DLG5: variants seen among roughly 807,000 people sequenced by gnomAD.
The protein encoded by DLG5 is discs large MAGUK scaffold protein 5, also known as disks large homolog 5.
Under a neutral mutation model 189.8 loss-of-function variants are expected in DLG5, and 48 were observed. That is an observed-to-expected ratio of 0.25 (90% CI 0.20 to 0.32). The LOEUF (loss-of-function observed/expected upper bound fraction) is 0.32. Ranked by LOEUF, DLG5 falls within the 10% of genes least tolerant of loss-of-function variation. The pLI is 1.00. For synonymous variants in DLG5, 1,016 were observed against 1,054.1 expected (o/e 0.96, Z 0.70); for missense variants, 2,160 against 2,544.7 (o/e 0.85, Z 3.25).
rs1409784749 is a variant in DLG5, at chr10:77,819,425, G to A, written c.3567C>T (p.Ser1189=). Residue 1189 remains serine, a synonymous_variant, in exon 17 of 32, where the codon AGC becomes AGT. Transcript: ENST00000372391. ...TGTAGATGGGGTTCCGCAGGATGGA[G>A]CTCACAGTGGTGCTGGGGGTCAAAC... ...PRSLTPSTTV[S]SILRNPIYTV... The A allele has an allele frequency of 6.2e-7, 1 of 1,613,676 alleles. No individual in the cohort carries two copies. The highest frequency in any genetic ancestry group is 8.5e-7 in the Non-Finnish European group (1 of 1,179,950).
chr10:77,882,206 G>A (rs1199439705), intron 1 of DLG5, among the ~76,000 whole-genome samples: 1 of 152,212 alleles, frequency 6.6e-6, no homozygotes, highest in African/African-American at 2.4e-5. Context: ...CCATACTGTG[G>A]AAAGGGCCCA....
rs147696699 is a variant in DLG5 at position 77,925,597 on chromosome 10, C to G, written c.304+620G>C. ...CAGGGAGAGAACTTAGCCCCAGCAG[C>G]CACTACTAGGATTTTCCCATGGTGC... On this transcript the variant is annotated intron_variant, in intron 1 of 31. Coordinates refer to ENST00000372391, the MANE Select transcript of DLG5 (RefSeq NM_004747.4). Among the ~76,000 whole-genome samples, 5 of 152,330 alleles carry G rather than the reference C, an allele frequency of 3.3e-5. No homozygotes were observed. In the East Asian group the frequency reaches 9.6e-4, roughly 29 times the overall value.
intron 1 of DLG5, among the ~76,000 whole-genome samples, chr10:77,888,408 GGA>G (rs1845507270): frequency 2.0e-5 from 3 of 152,134 alleles, no homozygotes; most frequent in Non-Finnish European, 4.4e-5. Flanking sequence ...ACAAGGTCCT[GGA>G]GAGGAAAATG....
chr10:77,817,231 T>C (rs1048747214), intron 18 of DLG5, 135 bp from the exon 19 acceptor site: 1 of 780,156 alleles, frequency 1.3e-6, no homozygotes, highest in Non-Finnish European at 2.2e-6. Flanking sequence ...GGAGCCTTGA[T>C]ATGGAACAGT....
intron 1 of DLG5, among the ~76,000 whole-genome samples, chr10:77,878,386 A>G (rs1407855656): frequency 1.3e-5 from 2 of 152,238 alleles, no homozygotes; most frequent in Non-Finnish European, 2.9e-5. Context: ...CCAGGCGCAC[A>G]GCAAGCGATC....
chr10:77,800,996 C>T (rs1365077949), intron 27 of DLG5, among the ~76,000 whole-genome samples: 1 of 152,168 alleles, frequency 6.6e-6, no homozygotes, highest in Non-Finnish European at 1.5e-5. Flanking sequence ...CTGCGAGCAG[C>T]GGCTATCTCC....
At chr10:77,879,793 A>C in intron 1 of DLG5, among the ~76,000 whole-genome samples, 1 of 151,328 alleles carries the variant, frequency 6.6e-6, no homozygotes. Context: ...GAAAGGGGGA[A>C]GCCTGCAGGA....
chr10:77,857,830 T>C (rs1417780779), intron 2 of DLG5, among the ~76,000 whole-genome samples: 3 of 152,108 alleles, frequency 2.0e-5, no homozygotes, highest in Non-Finnish European at 4.4e-5. Flanking sequence ...ACAGCAACCA[T>C]CCAATTTGTG....
chr10:77,804,632 C>T (rs1048660449), intron 27 of DLG5, among the ~76,000 whole-genome samples: 1 of 152,242 alleles, frequency 6.6e-6, no homozygotes, highest in East Asian at 1.9e-4. Flanking sequence ...GGGCCTCTTG[C>T]TTTAAAGGAC....
chr10:77,806,755 T>TA lies in DLG5; in HGVS notation c.4967+2dup. The TA allele has an allele frequency of 1.5e-6, 2 of 1,370,770 alleles. No homozygotes were observed. Among genetic ancestry groups the TA allele is most frequent in the Non-Finnish European group, 2.0e-6 (2 of 987,126 alleles). 84.9% of individuals were successfully genotyped at this position (1,370,770 alleles called of 1,614,324 possible). ...CCCCACCCCAGGCCCGGAGAACACTTACACATATTTGCTGGGAATCTGCCC... is the reference window on the plus strand; with the variant it reads ...CCCCACCCCAGGCCCGGAGAACACTTAACACATATTTGCTGGGAATCTGCCC... On this transcript the variant is annotated splice_region_variant and intron_variant, in intron 26 of 31. Transcript: ENST00000372391.
In DLG5 at chr10:77,790,856, T is replaced by C. The variant is rs1200962244; in HGVS notation, c.*1584A>G. The stretch of plus-strand genomic sequence containing the variant: ...TAACTTTTGATACAAAGTAACATTT[T>C]AGTACAGAAAATCCCAGTCTGTCAG... On this transcript the variant is annotated 3_prime_UTR_variant, in exon 32 of 32. Coordinates refer to ENST00000372391, the MANE Select transcript of DLG5 (RefSeq NM_004747.4). 6.6e-6 allele frequency: 1 copy of C among 152,256 alleles called. No individual in the cohort carries two copies. Among genetic ancestry groups the C allele is most frequent in the Non-Finnish European group, 1.5e-5 (1 of 68,052 alleles). The allele number at this position is 152,256 out of a possible 1,614,324, so 9.4% of individuals were successfully genotyped here. A position where few individuals can be genotyped will look rare whatever the true frequency, so the allele number is the denominator to read the frequency against.
At chr10:77,914,573 A>G (rs1846310308) in intron 1 of DLG5, among the ~76,000 whole-genome samples, 1 of 152,168 alleles carries the variant, frequency 6.6e-6, no homozygotes, top group Non-Finnish European at 1.5e-5. Context: ...GAGTGGACTC[A>G]TGACATTCAG....
In DLG5 at chr10:77,811,932, G is replaced by C. The variant is rs988782027; in HGVS notation, c.4314C>G (p.Ser1438=). 3 of 1,605,128 alleles carry C rather than the reference G, an allele frequency of 1.9e-6. No individual in the cohort carries two copies. The highest frequency in any genetic ancestry group is 1.3e-5 in the African/African-American group (1 of 75,030). ...GGGAGGCCCGCACTCACCTGGACCG[G>C]GAGTGGCTGCTGAGCTGGTGCACGT... ...NPHVHQLSSH[S]RSSSHLDPAG... Residue 1438 remains serine, a synonymous_variant, in exon 22 of 32, where the codon TCC becomes TCG. Transcript: ENST00000372391.
rs371620055 is a variant in DLG5, at chr10:77,860,404, T to C, written c.374-3512A>G. Reference sequence around the variant, plus strand: ...CCTCCACCTCCTGGGTTCAAGCGATTCTCCTGCCTCTGCCTACCAAGTAGC... The same window carrying C: ...CCTCCACCTCCTGGGTTCAAGCGATCCTCCTGCCTCTGCCTACCAAGTAGC... On this transcript the variant is annotated intron_variant, in intron 2 of 31. Coordinates refer to ENST00000372391, the MANE Select transcript of DLG5 (RefSeq NM_004747.4). 3.2e-4 allele frequency among the ~76,000 whole-genome samples: 48 copies of C among 152,310 alleles called. No individual in the cohort carries two copies. In the East Asian group the frequency reaches 3.9e-3, roughly 12 times the overall value.
chr10:77,878,396 C>A (rs1441609339), intron 1 of DLG5, among the ~76,000 whole-genome samples: 1 of 152,216 alleles, frequency 6.6e-6, no homozygotes, highest in African/African-American at 2.4e-5. Flanking sequence ...AGCAAGCGAT[C>A]CACAAACACC....
intron 15 of DLG5, 23 bp from the exon 16 acceptor site, chr10:77,820,041 G>A (rs1280239325): frequency 6.2e-7 from 1 of 1,611,854 alleles, no homozygotes; most frequent in Admixed American, 1.7e-5. Context: ...GGGCAAGAGT[G>A]TCTGCTAGAA....
At chr10:77,891,573 G>GACACACACACACACACACACACACAC (rs55688664) in intron 1 of DLG5, among the ~76,000 whole-genome samples, 14 of 140,498 alleles carry the variant, frequency 1.0e-4, no homozygotes, top group African/African-American at 3.4e-4. Flanking sequence ...TCCCCCAACA[G>GACACACACACACACACACACACACAC]ACACACACAC....
rs1387292528 is a variant in DLG5 at position 77,820,175 on chromosome 10, G to A, written c.3403-157C>T. 1.6e-4 allele frequency: 162 copies of A among 990,884 alleles called. 2 individuals are homozygous for A. In the South Asian group the frequency reaches 2.5e-3, roughly 15 times the overall value. 61.4% of individuals were successfully genotyped at this position (990,884 alleles called of 1,614,324 possible). A position where few individuals can be genotyped will look rare whatever the true frequency, so the allele number is the denominator to read the frequency against. ...ACCCTGGCCAACATGGCGAAATCCC[G>A]TCTCTACCAAAAATACAAAAATTAG... On this transcript the variant is annotated intron_variant, in intron 15 of 31. Coordinates refer to ENST00000372391, the MANE Select transcript of DLG5 (RefSeq NM_004747.4).
chr10:77,889,602 G>A (rs1270805158), intron 1 of DLG5: 8 of 152,272 alleles, frequency 5.3e-5, no homozygotes, highest in African/African-American at 1.7e-4. Flanking sequence ...GCGGTGTCGA[G>A]TTACTGAGCT....
Sources: allele counts gnomAD v4.1 joint callset (sites outside exome capture counted in the v4.1 genomes callset), GRCh38; gene constraint gnomAD v4.1.1; transcripts MANE v1.5; gene names NCBI Gene and HGNC (gene_info 2026-07-23, HGNC 2026-07-21).